ERBB4: variants seen among roughly 807,000 people sequenced by gnomAD.
ERBB4 encodes the protein receptor tyrosine-protein kinase erbB-4.
Under a neutral mutation model 158.0 loss-of-function variants are expected in ERBB4, and 42 were observed. The observed-to-expected ratio is 0.27, with a 90% confidence interval of 0.21 to 0.34. ERBB4 has a LOEUF of 0.34. ERBB4 is among the 10% of genes least tolerant of loss of function. ERBB4 has a pLI of 1.00. For missense variants in ERBB4, 1,333 were observed against 1,624.1 expected, an observed-to-expected ratio of 0.82 and a Z score of 3.08; for synonymous variants, 583 against 558.7, an observed-to-expected ratio of 1.04 and a Z score of -0.61.
chr2:212,312,321 A>T (rs111953204), intron 1 of ERBB4, among the ~76,000 whole-genome samples: 4,663 of 150,944 alleles, frequency 0.031, 94 homozygotes, highest in Middle Eastern at 0.044. Flanking sequence ...ATATACTTGA[A>T]TTTTTTTTAA....
intron 2 of ERBB4, among the ~76,000 whole-genome samples, chr2:212,102,112 A>ATATATATATATATATATATATC: frequency 6.9e-6 from 1 of 144,512 alleles, no homozygotes; most frequent in South Asian, 2.2e-4. Context: ...ATATATATAT[A>ATATATATATATATATATATATC]TGTCAGGTCA....
intron 1 of ERBB4, among the ~76,000 whole-genome samples, chr2:212,247,820 T>C (rs1203715563): frequency 2.6e-5 from 4 of 151,920 alleles, no homozygotes; most frequent in African/African-American, 9.7e-5. Flanking sequence ...AAAAATTAGC[T>C]GGGCATGTTG....
chr2:212,311,750 A>G (rs2087054666), intron 1 of ERBB4, among the ~76,000 whole-genome samples: 1 of 151,028 alleles, frequency 6.6e-6, no homozygotes, highest in South Asian at 2.1e-4. Context: ...TCCATTAACC[A>G]GAAGCAAAAA....
chr2:212,071,609 A>G (rs1343568268), intron 2 of ERBB4, among the ~76,000 whole-genome samples: 1 of 152,036 alleles, frequency 6.6e-6, no homozygotes, highest in African/African-American at 2.4e-5. Flanking sequence ...GTAGTTTTAC[A>G]TAATGTTCAA....
At chr2:211,985,584 A>G (rs1158554303) in intron 2 of ERBB4, among the ~76,000 whole-genome samples, 1 of 152,128 alleles carries the variant, frequency 6.6e-6, no homozygotes, top group Non-Finnish European at 1.5e-5. Context: ...AAAAACATCT[A>G]AATGCCAAGT....
At chr2:212,045,899 GTAGC>G (rs2077250055) in intron 2 of ERBB4, among the ~76,000 whole-genome samples, 2 of 152,270 alleles carry the variant, frequency 1.3e-5, no homozygotes, top group South Asian at 4.1e-4. Context: ...ATGAACATTT[GTAGC>G]TATATCTCTA....
intron 2 of ERBB4, among the ~76,000 whole-genome samples, chr2:212,107,250 A>G (rs1374814494): frequency 1.3e-5 from 2 of 152,226 alleles, no homozygotes; most frequent in Non-Finnish European, 2.9e-5. Context: ...GCTGCCCAAG[A>G]TGATGGGAGC....
At chr2:211,518,177 T>C (rs2066087945) in intron 20 of ERBB4, among the ~76,000 whole-genome samples, 1 of 152,090 alleles carries the variant, frequency 6.6e-6, no homozygotes, top group Non-Finnish European at 1.5e-5. Flanking sequence ...TGTCTCAGTT[T>C]TCTGTACCTA....
chr2:211,448,304 T>C (rs956809808), intron 20 of ERBB4, among the ~76,000 whole-genome samples: 1 of 152,014 alleles, frequency 6.6e-6, no homozygotes, highest in African/African-American at 2.4e-5. Flanking sequence ...TAAGAACATA[T>C]CACAAAGGTA....
At chr2:211,624,632 A>G (rs1230859384) in intron 17 of ERBB4, among the ~76,000 whole-genome samples, 1 of 152,234 alleles carries the variant, frequency 6.6e-6, no homozygotes, top group African/African-American at 2.4e-5. Context: ...TTAAATCAAT[A>G]GTTCTAAAAT....
At chr2:212,074,847 C>T (rs965800623) in intron 2 of ERBB4, among the ~76,000 whole-genome samples, 2 of 151,930 alleles carry the variant, frequency 1.3e-5, no homozygotes, top group Middle Eastern at 3.2e-3. Flanking sequence ...CTTGTCCTAG[C>T]GCAACCATCT....
At chr2:211,917,186 C>T (rs1190412348) in intron 3 of ERBB4, among the ~76,000 whole-genome samples, 2 of 152,066 alleles carry the variant, frequency 1.3e-5, no homozygotes, top group Non-Finnish European at 2.9e-5. Flanking sequence ...CTCATGAGGG[C>T]TTCATACACG....
chr2:211,819,219 T>G (rs1272816971), intron 3 of ERBB4, among the ~76,000 whole-genome samples: 2 of 152,074 alleles, frequency 1.3e-5, no homozygotes, highest in Non-Finnish European at 2.9e-5. Flanking sequence ...AGAAAACATT[T>G]TGTGATTGCA....
In ERBB4 at chr2:211,428,407, C is replaced by T; in HGVS notation, c.2719+1G>A. 1 of 1,551,156 alleles carries T rather than the reference C, an allele frequency of 6.4e-7. No homozygotes were observed. Among genetic ancestry groups the T allele is most frequent in the Non-Finnish European group, 8.9e-7 (1 of 1,124,058 alleles). On this transcript the variant is annotated splice_donor_variant, in intron 22 of 27. Transcript: ENST00000342788. LOFTEE classifies it high-confidence loss of function. ...TTAATTCGCAAAGAAGATTTATTTA[C>T]CATAGCTCCAAACGTCACTCTGATG...
intron 19 of ERBB4, among the ~76,000 whole-genome samples, chr2:211,590,736 CTT>C (rs956844435): frequency 2.6e-5 from 4 of 152,140 alleles, no homozygotes; most frequent in African/African-American, 9.7e-5. Flanking sequence ...GTTAATTACT[CTT>C]TTGTCTATTG....
chr2:211,570,301 G>A (rs990805609), intron 19 of ERBB4, among the ~76,000 whole-genome samples: 2 of 143,676 alleles, frequency 1.4e-5, no homozygotes, highest in East Asian at 2.1e-4. Flanking sequence ...ACAGGCATCC[G>A]CCACCACACT....
At chr2:212,326,339 A>C (rs753250813) in intron 1 of ERBB4, among the ~76,000 whole-genome samples, 5 of 150,738 alleles carry the variant, frequency 3.3e-5, no homozygotes, top group Non-Finnish European at 7.4e-5. Flanking sequence ...TTTTAAAGTT[A>C]TGCAGGATTT....
At chr2:212,269,809 T>C (rs755782610) in intron 1 of ERBB4, among the ~76,000 whole-genome samples, 5 of 151,800 alleles carry the variant, frequency 3.3e-5, no homozygotes, top group Non-Finnish European at 7.4e-5. Context: ...GAGTGTTCAC[T>C]GATTGATACT....
At chr2:211,599,236 G>T (rs780929115) in intron 19 of ERBB4, among the ~76,000 whole-genome samples, 1 of 152,054 alleles carries the variant, frequency 6.6e-6, no homozygotes, top group Non-Finnish European at 1.5e-5. Flanking sequence ...CCTCCAGAGG[G>T]ATTCCAAATC....
Sources: gnomAD v4.1 joint callset for allele counts (sites outside exome capture counted in the v4.1 genomes callset) on GRCh38, gnomAD v4.1.1 for gene constraint, MANE v1.5 for transcripts, NCBI Gene and HGNC (gene_info 2026-07-23, HGNC 2026-07-21) for gene names.